LRRTM4: variants seen among roughly 807,000 people sequenced by gnomAD.
The protein encoded by LRRTM4 is leucine rich repeat transmembrane neuronal 4, also known as leucine-rich repeat transmembrane neuronal protein 4.
A neutral mutation model predicts 47.6 loss-of-function variants in LRRTM4; 25 were observed. The observed-to-expected ratio is 0.53, with a 90% confidence interval of 0.38 to 0.73. The LOEUF (loss-of-function observed/expected upper bound fraction) is 0.73. LRRTM4 is among the 30% of genes least tolerant of loss of function. LRRTM4 has a pLI of 0.00. For missense variants in LRRTM4, 638 were observed against 713.4 expected (o/e 0.89, Z 1.20); for synonymous variants, 311 against 269.5 (o/e 1.15, Z -1.51).
chr2:77,187,031 C>G (rs1457780557), intron 3 of LRRTM4, among the ~76,000 whole-genome samples: 1 of 152,174 alleles, frequency 6.6e-6, no homozygotes, highest in Non-Finnish European at 1.5e-5. Context: ...AGTACAAGTG[C>G]AGCTGCCTCA....
intron 3 of LRRTM4, among the ~76,000 whole-genome samples, chr2:76,931,565 T>A (rs1011902445): frequency 6.6e-6 from 1 of 152,142 alleles, no homozygotes; most frequent in Non-Finnish European, 1.5e-5. Flanking sequence ...TGTCTCCTAG[T>A]TGTCCTCCTA....
rs371885866 is a variant in LRRTM4, at chr2:76,793,442, A to AT, written c.1552-44527dup. Among the ~76,000 whole-genome samples, 922 of 151,560 alleles carry AT rather than the reference A, an allele frequency of 6.1e-3. 9 individuals are homozygous for AT. The highest frequency in any genetic ancestry group is 0.02 in the African/African-American group (817 of 41,330). ...AACTTCCAAAGCAAAAGAATCAAGTATTTTTTTTTCAGACTGACTTTGTTC... is the reference window on the plus strand; with the variant it reads ...AACTTCCAAAGCAAAAGAATCAAGTATTTTTTTTTTCAGACTGACTTTGTTC... On this transcript the variant is annotated intron_variant, in intron 3 of 3. Transcript: ENST00000409884.
Position 76,792,866 on chromosome 2 carries a change from T to C in LRRTM4, c.1552-43950A>G, listed in dbSNP as rs137926544. The stretch of plus-strand genomic sequence containing the variant: ...AAGCAGTAAACTGGAGCGAGATCAC[T>C]CTTGCATTGCTTAATGTCCACTGTC... On this transcript the variant is annotated intron_variant, in intron 3 of 3. Coordinates refer to ENST00000409884, the MANE Select transcript of LRRTM4 (RefSeq NM_001134745.3). Among the ~76,000 whole-genome samples the C allele has an allele frequency of 5.3e-3, 809 of 152,288 alleles. 6 individuals carry two copies. The highest frequency in any genetic ancestry group is 0.018 in the African/African-American group (760 of 41,566).
chr2:77,308,788 G>T (rs1270191612), intron 3 of LRRTM4, among the ~76,000 whole-genome samples: 2 of 111,434 alleles, frequency 1.8e-5, no homozygotes, highest in Admixed American at 9.4e-5. Context: ...GTTTTATTTG[G>T]TTTGTTTTTG....
At chr2:77,019,716 TATA>T (rs758285679) in intron 3 of LRRTM4, among the ~76,000 whole-genome samples, 2 of 152,146 alleles carry the variant, frequency 1.3e-5, no homozygotes, top group Admixed American at 6.5e-5. Flanking sequence ...TAAACTTGGT[TATA>T]ATAACATATT....
intron 3 of LRRTM4, among the ~76,000 whole-genome samples, chr2:77,437,398 T>C (rs565854850): frequency 6.6e-6 from 1 of 152,160 alleles, no homozygotes; most frequent in East Asian, 1.9e-4. Context: ...GGTAATTGCA[T>C]TATCTCAACC....
At chr2:77,494,231 T>C (rs908647409) in intron 3 of LRRTM4, among the ~76,000 whole-genome samples, 1 of 152,118 alleles carries the variant, frequency 6.6e-6, no homozygotes, top group African/African-American at 2.4e-5. Flanking sequence ...CTTATGAGGC[T>C]AGAAATGTAA....
intron 3 of LRRTM4, among the ~76,000 whole-genome samples, chr2:77,440,348 A>G (rs1675790195): frequency 1.3e-5 from 2 of 152,088 alleles, no homozygotes; most frequent in Admixed American, 1.3e-4. Context: ...CGGGAGGTGG[A>G]GCTTGCAGTG....
chr2:77,023,259 G>T (rs1345198435), intron 3 of LRRTM4, among the ~76,000 whole-genome samples: 1 of 152,160 alleles, frequency 6.6e-6, no homozygotes, highest in Non-Finnish European at 1.5e-5. Context: ...AGGGACCCTG[G>T]CCCTGACCAT....
At chr2:77,443,710 A>T (rs1353436668) in intron 3 of LRRTM4, among the ~76,000 whole-genome samples, 1 of 152,150 alleles carries the variant, frequency 6.6e-6, no homozygotes. Flanking sequence ...TATGATATAA[A>T]CATTGTTCAG....
intron 3 of LRRTM4, among the ~76,000 whole-genome samples, chr2:77,008,150 A>T (rs961985152): frequency 6.6e-6 from 1 of 152,140 alleles, no homozygotes; most frequent in Non-Finnish European, 1.5e-5. Flanking sequence ...GAATAAGTAA[A>T]AACTTCAAAT....
chr2:77,061,812 T>C (rs1558557030), intron 3 of LRRTM4, among the ~76,000 whole-genome samples: 1 of 152,314 alleles, frequency 6.6e-6, no homozygotes, highest in East Asian at 1.9e-4. Flanking sequence ...TTTTGCTCTT[T>C]TTATACATAT....
chr2:76,894,258 C>T (rs1026174514), intron 3 of LRRTM4, among the ~76,000 whole-genome samples: 1 of 152,002 alleles, frequency 6.6e-6, no homozygotes, highest in Non-Finnish European at 1.5e-5. Context: ...TGCTAGAAAA[C>T]CTTATGATAC....
intron 3 of LRRTM4, among the ~76,000 whole-genome samples, chr2:77,285,474 G>T (rs1676629703): frequency 6.6e-6 from 1 of 151,496 alleles, no homozygotes. Flanking sequence ...AGGTGCAGTG[G>T]CTCATGCCTG....
At chr2:76,860,654 G>A (rs1454123977) in intron 3 of LRRTM4, among the ~76,000 whole-genome samples, 1 of 152,034 alleles carries the variant, frequency 6.6e-6, no homozygotes, top group Non-Finnish European at 1.5e-5. Flanking sequence ...TTTTAAGACT[G>A]TTCTGTTTGC....
chr2:76,864,685 T>C (rs1672414723), intron 3 of LRRTM4, among the ~76,000 whole-genome samples: 1 of 150,936 alleles, frequency 6.6e-6, no homozygotes, highest in Admixed American at 6.6e-5. Context: ...AATGAAGTGA[T>C]CTTAGCATCA....
chr2:77,126,159 C>G (rs983276762), intron 3 of LRRTM4, among the ~76,000 whole-genome samples: 2 of 151,634 alleles, frequency 1.3e-5, no homozygotes, highest in African/African-American at 4.8e-5. Context: ...TTATTTTTTT[C>G]AAAGCACACT....
chr2:77,333,961 C>T (rs958999972), intron 3 of LRRTM4, among the ~76,000 whole-genome samples: 1 of 152,202 alleles, frequency 6.6e-6, no homozygotes, highest in Admixed American at 6.5e-5. Context: ...CCTGTTGCAT[C>T]AACATGACCT....
At chr2:77,360,313 C>T (rs1397919805) in intron 3 of LRRTM4, among the ~76,000 whole-genome samples, 3 of 151,846 alleles carry the variant, frequency 2.0e-5, no homozygotes, top group Admixed American at 6.6e-5. Flanking sequence ...AAAAATTAGC[C>T]GTGCGTGGTG....
Sources: gnomAD v4.1 joint callset for allele counts (sites outside exome capture counted in the v4.1 genomes callset) on GRCh38, gnomAD v4.1.1 for gene constraint, MANE v1.5 for transcripts, NCBI Gene and HGNC (gene_info 2026-07-23, HGNC 2026-07-21) for gene names.